CDH13: variants seen among roughly 807,000 people sequenced by gnomAD.
CDH13 encodes cadherin-13.
CDH13 carries 24 observed loss-of-function variants against 63.8 expected under a neutral mutation model. The observed-to-expected ratio is 0.38, with a 90% CI of 0.27 to 0.53. The LOEUF (loss-of-function observed/expected upper bound fraction) is 0.53, where lower values mean the gene tolerates loss of function less well. Among genes scored for constraint, CDH13 ranks in the 20% least tolerant of loss-of-function variants. The pLI is 0.85. For missense variants in CDH13, 1,049 were observed against 903.1 expected, an observed-to-expected ratio of 1.16 and a Z score of -2.07; for synonymous variants, 503 against 355.3, an observed-to-expected ratio of 1.42 and a Z score of -4.67.
At chr16:83,604,938 T>C (rs978266560) in intron 8 of CDH13, among the ~76,000 whole-genome samples, 1 of 152,224 alleles carries the variant, frequency 6.6e-6, no homozygotes. Context: ...TTGTTTTTAA[T>C]GTCATTGAAT....
At chr16:83,546,208 T>A (rs1016109179) in intron 7 of CDH13, among the ~76,000 whole-genome samples, 1 of 150,570 alleles carries the variant, frequency 6.6e-6, no homozygotes, top group African/African-American at 2.4e-5. Flanking sequence ...GCGTGGGACG[T>A]CTTGGTAGAT....
chr16:83,295,127 G>T (rs1052463670), intron 5 of CDH13, among the ~76,000 whole-genome samples: 17 of 151,880 alleles, frequency 1.1e-4, no homozygotes, highest in African/African-American at 4.1e-4. Context: ...ACACACAATG[G>T]GGGAAAAAAA....
chr16:83,578,865 A>G (rs897061284), intron 7 of CDH13, among the ~76,000 whole-genome samples: 5 of 152,180 alleles, frequency 3.3e-5, no homozygotes, highest in African/African-American at 1.2e-4. Flanking sequence ...GGTGAGGCAG[A>G]TTCTATTATT....
chr16:83,076,424 G>C (rs2032839743), intron 3 of CDH13, among the ~76,000 whole-genome samples: 2 of 152,134 alleles, frequency 1.3e-5, no homozygotes, highest in African/African-American at 2.4e-5. Context: ...TCCTTGGCTA[G>C]ACAAAGATCC....
At position 83,118,165 on chromosome 16, in the gene CDH13, A is replaced by G. The variant is rs571608448; in HGVS notation, c.367-7220A>G. Among the ~76,000 whole-genome samples, 4 of 152,110 alleles carry G rather than the reference A, an allele frequency of 2.6e-5. No homozygotes were observed. The East Asian group carries it at 7.7e-4, about 29-fold the overall frequency. On this transcript the variant is annotated intron_variant, in intron 3 of 13. Transcript: ENST00000567109. ...CTGTCCGGAGACTGCTGTGGGGGGA[A>G]TCCCACAAGTCACACATGGTCTGGT...
At chr16:83,410,815 G>C (rs1030510248) in intron 6 of CDH13, among the ~76,000 whole-genome samples, 4 of 152,258 alleles carry the variant, frequency 2.6e-5, no homozygotes, top group Middle Eastern at 6.8e-3. Flanking sequence ...GTGGGATTCA[G>C]TCCTAGTATT....
intron 2 of CDH13, among the ~76,000 whole-genome samples, chr16:82,927,474 T>A (rs970978442): frequency 1.3e-5 from 2 of 152,182 alleles, no homozygotes; most frequent in Non-Finnish European, 2.9e-5. Flanking sequence ...ATACCTCACG[T>A]GAGTAGAGGC....
At chr16:83,337,879 C>T (rs918771) in intron 5 of CDH13, among the ~76,000 whole-genome samples, 50,156 of 151,504 alleles carry the variant, frequency 0.33, 8,472 homozygotes, top group East Asian at 0.48. Flanking sequence ...TAAAAAGTAG[C>T]AATCAATGTA....
rs376273591 is a variant in CDH13, at chr16:82,874,524, G to C, written c.157+16051G>C. Reference sequence around the variant, plus strand: ...AGCCAAAACGATTGTCAGCGATCCAGGCTTCTCTTAACTGTGCCTGTCAGC... The same window carrying C: ...AGCCAAAACGATTGTCAGCGATCCACGCTTCTCTTAACTGTGCCTGTCAGC... On this transcript the variant is annotated intron_variant, in intron 2 of 13. Transcript: ENST00000567109. Among the ~76,000 whole-genome samples the C allele has an allele frequency of 2.5e-3, 379 of 151,856 alleles. 1 individual carries two copies. Among genetic ancestry groups the C allele is most frequent in the African/African-American group, 8.4e-3 (349 of 41,412 alleles).
intron 13 of CDH13, among the ~76,000 whole-genome samples, chr16:83,791,579 G>A (rs1351926663): frequency 1.3e-5 from 2 of 152,098 alleles, no homozygotes; most frequent in Admixed American, 6.6e-5. Flanking sequence ...TTGGGAGGCC[G>A]AGGTGGGCGG....
At chr16:83,592,997 A>G (rs1906908746) in intron 7 of CDH13, among the ~76,000 whole-genome samples, 1 of 152,086 alleles carries the variant, frequency 6.6e-6, no homozygotes, top group African/African-American at 2.4e-5. Context: ...TTTATGGACT[A>G]CCTATTCCCA....
At chr16:83,007,946 C>T in intron 2 of CDH13, among the ~76,000 whole-genome samples, 1 of 151,988 alleles carries the variant, frequency 6.6e-6, no homozygotes, top group East Asian at 1.9e-4. Flanking sequence ...TATATTTGTC[C>T]TTTTCCTCAA....
chr16:83,668,313 A>G (rs1308771457), intron 8 of CDH13, among the ~76,000 whole-genome samples: 1 of 152,342 alleles, frequency 6.6e-6, no homozygotes. Context: ...AGATAAAGCC[A>G]TGAAGAGACA....
At chr16:82,700,072 A>AC (rs143526021) in intron 1 of CDH13, among the ~76,000 whole-genome samples, 8,857 of 152,302 alleles carry the variant, frequency 0.058, 573 homozygotes, top group African/African-American at 0.16. Context: ...CACAAAGTAT[A>AC]TTTTATGGAT....
chr16:83,022,255 C>A (rs1230015924), intron 2 of CDH13, among the ~76,000 whole-genome samples: 1 of 152,170 alleles, frequency 6.6e-6, no homozygotes, highest in Non-Finnish European at 1.5e-5. Flanking sequence ...GCAGATTAAC[C>A]AATATGCAGG....
intron 6 of CDH13, among the ~76,000 whole-genome samples, chr16:83,370,354 C>T (rs1203109578): frequency 6.7e-6 from 1 of 150,020 alleles, no homozygotes; most frequent in Non-Finnish European, 1.5e-5. Context: ...CGCCACTGCA[C>T]TCCAGCCTGG....
intron 10 of CDH13, among the ~76,000 whole-genome samples, chr16:83,703,655 T>C (rs1431418374): frequency 6.6e-6 from 1 of 152,248 alleles, no homozygotes; most frequent in Admixed American, 6.5e-5. Context: ...CACACTGTCT[T>C]GTATTATCAA....
At chr16:83,086,642 T>C (rs1391065679) in intron 3 of CDH13, among the ~76,000 whole-genome samples, 1 of 152,218 alleles carries the variant, frequency 6.6e-6, no homozygotes, top group Non-Finnish European at 1.5e-5. Context: ...ATTTAAACCA[T>C]GCTTTGAAAT....
In CDH13 at chr16:82,849,543, A is replaced by C. The variant is rs531186043; in HGVS notation, c.46-8819A>C. On this transcript the variant is annotated intron_variant, in intron 1 of 13. Transcript: ENST00000567109. ...AAATAAAGTGTGAGGTGAAGCAGGA[A>C]GTGCTGATATAGAAGCTGCAGCAAG... Among the ~76,000 whole-genome samples the C allele has an allele frequency of 2.0e-4, 31 of 152,306 alleles. No individual in the cohort carries two copies. The South Asian group carries it at 5.6e-3, about 27-fold the overall frequency.
Sources: allele counts gnomAD v4.1 joint callset (sites outside exome capture counted in the v4.1 genomes callset), GRCh38; gene constraint gnomAD v4.1.1; transcripts MANE v1.5; gene names NCBI Gene and HGNC (gene_info 2026-07-23, HGNC 2026-07-21).